Variants in SLMAP observed in about 807,000 individuals in gnomAD.
The protein encoded by SLMAP is sarcolemma associated protein.
SLMAP carries 44 observed loss-of-function variants against 128.8 expected under a neutral mutation model. The ratio of observed to expected loss-of-function variants is 0.34; its 90% CI spans 0.27 to 0.44. The LOEUF is 0.44. Ranked by LOEUF, SLMAP falls within the 20% of genes least tolerant of loss-of-function variation. The probability of loss-of-function intolerance (pLI) is 1.00; values close to 1 mark genes in which losing one functional copy is unlikely to be tolerated. For missense variants in SLMAP, 787 were observed against 985.3 expected (o/e 0.80, Z 2.69); for synonymous variants, 327 against 348.8 (o/e 0.94, Z 0.70).
chr3:57,821,538 A>G (rs990369083), intron 2 of SLMAP, among the ~76,000 whole-genome samples: 6 of 152,228 alleles, frequency 3.9e-5, no homozygotes, highest in Admixed American at 2.0e-4. Context: ...CCAGGAAGCC[A>G]GAAAGGTTAT....
At chr3:57,894,299 CTA>C (rs542848815) in intron 15 of SLMAP, among the ~76,000 whole-genome samples, 40 of 152,258 alleles carry the variant, frequency 2.6e-4, no homozygotes, top group African/African-American at 9.6e-4. Flanking sequence ...AAATGTATAA[CTA>C]TTTTTAATCT....
Position 57,852,657 on chromosome 3 carries a change from G to A in SLMAP, c.519+2841G>A, listed in dbSNP as rs1024973202. Among the ~76,000 whole-genome samples, 10 of 152,316 alleles carry A rather than the reference G, an allele frequency of 6.6e-5. 1 individual carries two copies. The highest frequency in any genetic ancestry group is 1.9e-4 in the African/African-American group (8 of 41,560). Reference sequence around the variant, plus strand: ...TTAATTAAGCTGCTTATTATTAGAGGTGGAAGAAAACTTTGAGATTAATGT... The same window carrying A: ...TTAATTAAGCTGCTTATTATTAGAGATGGAAGAAAACTTTGAGATTAATGT... On this transcript the variant is annotated intron_variant, in intron 6 of 24. Coordinates refer to ENST00000671191, the MANE Select transcript of SLMAP (RefSeq NM_001377540.1).
At chr3:57,850,019 T>G (rs2094445061) in intron 6 of SLMAP, among the ~76,000 whole-genome samples, 1 of 151,976 alleles carries the variant, frequency 6.6e-6, no homozygotes, top group African/African-American at 2.4e-5. Context: ...TTAAAAAAAT[T>G]TTTTTAATTA....
chr3:57,772,621 C>A (rs1474178251), intron 2 of SLMAP, among the ~76,000 whole-genome samples: 1 of 152,062 alleles, frequency 6.6e-6, no homozygotes, highest in African/African-American at 2.4e-5. Flanking sequence ...CCAGATAAAT[C>A]TACCATCATG....
intron 22 of SLMAP, among the ~76,000 whole-genome samples, chr3:57,921,604 T>C (rs1443778332): frequency 1.3e-5 from 2 of 152,174 alleles, no homozygotes; most frequent in Non-Finnish European, 2.9e-5. Context: ...CCAGCCTGGG[T>C]GACAGAGCTA....
chr3:57,895,605 A>G (rs2096222355), intron 15 of SLMAP, among the ~76,000 whole-genome samples: 1 of 151,890 alleles, frequency 6.6e-6, no homozygotes, highest in Non-Finnish European at 1.5e-5. Flanking sequence ...AAGTGCTGGG[A>G]TTACAGGCGT....
chr3:57,819,295 A>G (rs2092273623), intron 2 of SLMAP, among the ~76,000 whole-genome samples: 2 of 152,246 alleles, frequency 1.3e-5, no homozygotes, highest in Non-Finnish European at 2.9e-5. Context: ...AAACAAAGTT[A>G]TATGCCAACT....
At chr3:57,781,729 A>ATTTTTTTT (rs748021832) in intron 2 of SLMAP, among the ~76,000 whole-genome samples, 19 of 109,144 alleles carry the variant, frequency 1.7e-4, no homozygotes, top group East Asian at 1.4e-3. Context: ...ATATTGACTG[A>ATTTTTTTT]TTTTTTTTTT....
intron 2 of SLMAP, among the ~76,000 whole-genome samples, chr3:57,823,918 G>A (rs1322982039): frequency 6.6e-6 from 1 of 152,154 alleles, no homozygotes; most frequent in African/African-American, 2.4e-5. Context: ...CATTCTAACT[G>A]GTGTGAGATG....
At chr3:57,854,820 T>A (rs1011323135) in intron 6 of SLMAP, among the ~76,000 whole-genome samples, 1 of 152,194 alleles carries the variant, frequency 6.6e-6, no homozygotes, top group Non-Finnish European at 1.5e-5. Context: ...TATATACACA[T>A]GTATACATGT....
intron 2 of SLMAP, among the ~76,000 whole-genome samples, chr3:57,819,450 G>A (rs1477862679): frequency 1.3e-5 from 2 of 152,058 alleles, no homozygotes; most frequent in Non-Finnish European, 2.9e-5. Context: ...GAATTTGTTT[G>A]CCAAATAAAT....
At chr3:57,853,955 T>TA (rs1553880925) in intron 6 of SLMAP, among the ~76,000 whole-genome samples, 14 of 31,936 alleles carry the variant, frequency 4.4e-4, no homozygotes, top group African/African-American at 1.1e-3. Flanking sequence ...AAAAAAAAAA[T>TA]TATATATATA....
chr3:57,771,612 G>C (rs1046690063), intron 2 of SLMAP, among the ~76,000 whole-genome samples: 1 of 151,976 alleles, frequency 6.6e-6, no homozygotes, highest in African/African-American at 2.4e-5. Context: ...TTGTAACCTT[G>C]AACTTTGGGC....
intron 13 of SLMAP, among the ~76,000 whole-genome samples, chr3:57,869,484 G>T (rs980573087): frequency 1.3e-5 from 2 of 150,820 alleles, no homozygotes; most frequent in Admixed American, 1.3e-4. Context: ...GGGTGCAGTG[G>T]TACATGCCTG....
intron 5 of SLMAP, among the ~76,000 whole-genome samples, chr3:57,847,439 A>T (rs145896376): frequency 3.3e-5 from 5 of 152,340 alleles, no homozygotes; most frequent in Non-Finnish European, 5.9e-5. Context: ...AGGCTTTGTT[A>T]TCTCAGTTAA....
At chr3:57,827,394 CA>C in intron 2 of SLMAP, among the ~76,000 whole-genome samples, 1 of 152,292 alleles carries the variant, frequency 6.6e-6, no homozygotes, top group Admixed American at 6.5e-5. Context: ...GCAAATTGTG[CA>C]ACCTGTGAAG....
rs895695635 is a variant in SLMAP, at chr3:57,927,450, G to A, written c.*161G>A. 4 of 992,320 alleles carry A rather than the reference G, an allele frequency of 4.0e-6. No homozygotes were observed. Among genetic ancestry groups the A allele is most frequent in the Admixed American group, 2.1e-5 (1 of 47,042 alleles). The allele number at this position is 992,320 out of a possible 1,614,324, so 61.5% of individuals were successfully genotyped here. ...GAAGCTGGCATCACACTCATGCTGGGGACAAACAGAACCATTTTCTTCCTC... is the reference window on the plus strand; with the variant it reads ...GAAGCTGGCATCACACTCATGCTGGAGACAAACAGAACCATTTTCTTCCTC... On this transcript the variant is annotated 3_prime_UTR_variant, in exon 25 of 25. Transcript: ENST00000671191.
At chr3:57,773,588 C>A (rs914209004) in intron 2 of SLMAP, among the ~76,000 whole-genome samples, 3 of 152,170 alleles carry the variant, frequency 2.0e-5, no homozygotes, top group Non-Finnish European at 4.4e-5. Flanking sequence ...GGAGTTGCAA[C>A]TGTGGGGAAA....
intron 14 of SLMAP, among the ~76,000 whole-genome samples, chr3:57,875,376 A>T (rs897720037): frequency 6.6e-6 from 1 of 152,076 alleles, no homozygotes; most frequent in Admixed American, 6.6e-5. Flanking sequence ...TTAGCTGGCC[A>T]TGGTGATAAC....
Sources: allele counts gnomAD v4.1 joint callset (sites outside exome capture counted in the v4.1 genomes callset), GRCh38; gene constraint gnomAD v4.1.1; transcripts MANE v1.5; gene names NCBI Gene and HGNC (gene_info 2026-07-23, HGNC 2026-07-21).